Variants in ARL15 observed in about 807,000 individuals in gnomAD.
ARL15 encodes ADP-ribosylation factor-like protein 15.
ARL15 carries 19 observed loss-of-function variants against 25.2 expected under a neutral mutation model. The ratio of observed to expected loss-of-function variants is 0.75; its 90% confidence interval spans 0.53 to 1.10. ARL15 has a LOEUF of 1.10. Ranked by LOEUF, ARL15 falls within the 50% of genes least tolerant of loss-of-function variation. The pLI is 0.00. For synonymous variants in ARL15, 94 were observed against 86.8 expected (o/e 1.08, Z -0.46); for missense variants, 220 against 246.0 (o/e 0.89, Z 0.71).
chr5:54,208,248 C>T (rs1466556068), intron 1 of ARL15, among the ~76,000 whole-genome samples: 3 of 152,010 alleles, frequency 2.0e-5, no homozygotes, highest in African/African-American at 7.2e-5. Context: ...CTTCAAATGC[C>T]CCACTTTTAA....
chr5:54,308,208 T>C (rs991568628), intron 1 of ARL15, among the ~76,000 whole-genome samples: 2 of 152,210 alleles, frequency 1.3e-5, no homozygotes, highest in Non-Finnish European at 2.9e-5. Context: ...ATGGTTTTTC[T>C]GTTTGTTTCC....
chr5:54,220,108 C>G (rs1423739780), intron 1 of ARL15, among the ~76,000 whole-genome samples: 1 of 152,130 alleles, frequency 6.6e-6, no homozygotes, highest in African/African-American at 2.4e-5. Context: ...TCATGTAACT[C>G]TTTCAACTGT....
chr5:54,127,784 G>A (rs1435180674), intron 3 of ARL15, among the ~76,000 whole-genome samples: 1 of 150,960 alleles, frequency 6.6e-6, no homozygotes, highest in Admixed American at 6.6e-5. Flanking sequence ...CAAGGCTACA[G>A]TAACCAAAAC....
At chr5:54,227,031 T>C (rs1756543995) in intron 1 of ARL15, among the ~76,000 whole-genome samples, 1 of 152,210 alleles carries the variant, frequency 6.6e-6, no homozygotes, top group Non-Finnish European at 1.5e-5. Context: ...TCCCCCATGA[T>C]TGTGTGGCCT....
chr5:54,234,255 T>C (rs1438213080), intron 1 of ARL15, among the ~76,000 whole-genome samples: 1 of 151,984 alleles, frequency 6.6e-6, no homozygotes, highest in Non-Finnish European at 1.5e-5. Context: ...CCTCCCAAAG[T>C]GCTGGGATTA....
At chr5:53,938,193 G>A (rs1746414051) in intron 4 of ARL15, among the ~76,000 whole-genome samples, 1 of 151,572 alleles carries the variant, frequency 6.6e-6, no homozygotes, top group South Asian at 2.1e-4. Flanking sequence ...GTCTTTTGTT[G>A]GGGAGGGTGG....
intron 1 of ARL15, among the ~76,000 whole-genome samples, chr5:54,246,420 T>C (rs752064328): frequency 1.3e-5 from 2 of 152,104 alleles, no homozygotes; most frequent in Admixed American, 6.5e-5. Context: ...AGAAACTATG[T>C]GTTGTACAAA....
At chr5:53,938,266 A>T (rs1746417537) in intron 4 of ARL15, among the ~76,000 whole-genome samples, 1 of 152,162 alleles carries the variant, frequency 6.6e-6, no homozygotes, top group Non-Finnish European at 1.5e-5. Flanking sequence ...AAAAAAATCA[A>T]AATTTTAAAC....
chr5:54,165,839 G>T (rs1444712247), intron 2 of ARL15, among the ~76,000 whole-genome samples: 1 of 151,874 alleles, frequency 6.6e-6, no homozygotes, highest in Admixed American at 6.6e-5. Context: ...GGGCTGGCAG[G>T]CTGGAGACCC....
At chr5:53,980,045 G>C (rs2046126354) in intron 4 of ARL15, among the ~76,000 whole-genome samples, 1 of 152,056 alleles carries the variant, frequency 6.6e-6, no homozygotes, top group African/African-American at 2.4e-5. Flanking sequence ...CTACTATTTT[G>C]AACATACAGT....
intron 4 of ARL15, among the ~76,000 whole-genome samples, chr5:54,070,789 G>A (rs1579764048): frequency 6.6e-6 from 1 of 152,150 alleles, no homozygotes; most frequent in African/African-American, 2.4e-5. Context: ...AGGTTGCAGT[G>A]AGCCTAGATC....
chr5:54,228,646 A>G (rs1408186478), intron 1 of ARL15, among the ~76,000 whole-genome samples: 1 of 152,190 alleles, frequency 6.6e-6, no homozygotes, highest in Non-Finnish European at 1.5e-5. Context: ...CTCTTCCACA[A>G]GTAGTTTGCT....
chr5:54,231,619 T>C (rs1425089176), intron 1 of ARL15, among the ~76,000 whole-genome samples: 1 of 152,178 alleles, frequency 6.6e-6, no homozygotes, highest in Non-Finnish European at 1.5e-5. Context: ...CCTGGGTGGC[T>C]TAAACAACAG....
intron 1 of ARL15, among the ~76,000 whole-genome samples, chr5:54,192,101 CT>C (rs1441418723): frequency 6.6e-6 from 1 of 152,160 alleles, no homozygotes; most frequent in East Asian, 1.9e-4. Flanking sequence ...GACCTTTGCA[CT>C]TGCCATTCCC....
chr5:54,154,338 G>A (rs1005470766), intron 3 of ARL15: 21 of 359,606 alleles, frequency 5.8e-5, no homozygotes, highest in Non-Finnish European at 9.9e-5. Flanking sequence ...TGTATAAATT[G>A]CCAATAATAG....
intron 4 of ARL15, among the ~76,000 whole-genome samples, chr5:53,916,725 G>C (rs761362776): frequency 1.3e-5 from 2 of 152,056 alleles, no homozygotes; most frequent in African/African-American, 4.8e-5. Context: ...AAGGCCAGAT[G>C]ATTGATACAG....
intron 4 of ARL15, among the ~76,000 whole-genome samples, chr5:54,088,638 C>A (rs190518837): frequency 2.0e-5 from 3 of 152,286 alleles, no homozygotes; most frequent in Admixed American, 6.5e-5. Context: ...CTAGGCAGCA[C>A]AGCCCTAGTG....
At chr5:53,915,423 C>T (rs1157260521) in intron 4 of ARL15, among the ~76,000 whole-genome samples, 2 of 152,172 alleles carry the variant, frequency 1.3e-5, no homozygotes, top group African/African-American at 4.8e-5. Context: ...GCTGTGGGAA[C>T]ACAGAAGAGG....
At chr5:54,149,364 G>A (rs1372085296) in intron 3 of ARL15, among the ~76,000 whole-genome samples, 2 of 151,854 alleles carry the variant, frequency 1.3e-5, no homozygotes, top group African/African-American at 4.8e-5. Context: ...GTAATATCTT[G>A]TTTAAGTGGA....
Sources: allele counts gnomAD v4.1 joint callset (sites outside exome capture counted in the v4.1 genomes callset), GRCh38; gene constraint gnomAD v4.1.1; transcripts MANE v1.5; gene names NCBI Gene and HGNC (gene_info 2026-07-23, HGNC 2026-07-21).